Variants in MSRB2 observed in about 807,000 individuals in gnomAD.
The protein encoded by MSRB2 is methionine sulfoxide reductase B2, also known as methionine-R-sulfoxide reductase B2, mitochondrial.
MSRB2 carries 17 observed loss-of-function variants against 19.0 expected under a neutral mutation model. The observed-to-expected ratio is 0.89, with a 90% CI of 0.61 to 1.34. The LOEUF is 1.34. MSRB2 is among the 40% of genes most tolerant of loss of function. The pLI, the probability that MSRB2 is intolerant of heterozygous loss-of-function variation, is 0.00. For synonymous variants in MSRB2, 107 were observed against 99.7 expected, an observed-to-expected ratio of 1.07 and a Z score of -0.44; for missense variants, 208 against 237.6, an observed-to-expected ratio of 0.88 and a Z score of 0.82.
At chr10:23,109,149 C>T (rs764139287) in intron 2 of MSRB2, among the ~76,000 whole-genome samples, 1 of 152,128 alleles carries the variant, frequency 6.6e-6, no homozygotes, top group Non-Finnish European at 1.5e-5. Flanking sequence ...TGCCGCCAGG[C>T]CCTGTGATAG....
chr10:23,114,826 C>G (rs1484444971), intron 3 of MSRB2, among the ~76,000 whole-genome samples: 1 of 152,222 alleles, frequency 6.6e-6, no homozygotes, highest in African/African-American at 2.4e-5. Flanking sequence ...TATGAACCCA[C>G]AGTTTTGGAC....
At chr10:23,104,616 C>T (rs994939420) in intron 2 of MSRB2, among the ~76,000 whole-genome samples, 10 of 152,178 alleles carry the variant, frequency 6.6e-5, no homozygotes, top group African/African-American at 2.4e-4. Context: ...GACCATATCA[C>T]TCCCCAGCTC....
chr10:23,099,975 A>G (rs186265150), intron 1 of MSRB2, among the ~76,000 whole-genome samples: 6 of 152,280 alleles, frequency 3.9e-5, no homozygotes, highest in Admixed American at 1.3e-4. Flanking sequence ...CTGTTGAGTC[A>G]CACTAAGGAC....
intron 1 of MSRB2, 132 bp downstream of exon 1, chr10:23,095,858 T>TCCCC (rs55816790): frequency 2.4e-4 from 94 of 395,012 alleles, no homozygotes; most frequent in Middle Eastern, 1.5e-3. Flanking sequence ...GGCGCGCCCC[T>TCCCC]CCCCCCCCCC....
At position 23,121,092 on chromosome 10, in the gene MSRB2, GA is replaced by G. The variant is rs146526205; in HGVS notation, c.*239del. 7.6e-5 allele frequency: 28 copies of G among 370,096 alleles called. No individual in the cohort carries two copies. Among genetic ancestry groups the G allele is most frequent in the South Asian group, 1.2e-4 (1 of 8,444 alleles). 22.9% of individuals were successfully genotyped at this position (370,096 alleles called of 1,614,324 possible). A position where few individuals can be genotyped will look rare whatever the true frequency, so the allele number is the denominator to read the frequency against. ...ACCTGATCAGGATCTGGGAGAATTT[GA>G]AAAAAAAAGAAAAACTAGAAAAATA... On this transcript the variant is annotated 3_prime_UTR_variant, in exon 5 of 5. Transcript: ENST00000376510.
chr10:23,102,639 G>T (rs1188184404), intron 1 of MSRB2, among the ~76,000 whole-genome samples: 1 of 152,088 alleles, frequency 6.6e-6, no homozygotes. Flanking sequence ...TAGCCTACTT[G>T]GTTAAAGTAG....
chr10:23,119,783 T>G (rs1347872722), intron 4 of MSRB2, among the ~76,000 whole-genome samples: 1 of 151,940 alleles, frequency 6.6e-6, no homozygotes, highest in Non-Finnish European at 1.5e-5. Flanking sequence ...TTAGTAGAGA[T>G]GAGGTTTCGC....
At chr10:23,120,452 A>G (rs1002840629) in intron 4 of MSRB2, among the ~76,000 whole-genome samples, 2 of 152,362 alleles carry the variant, frequency 1.3e-5, no homozygotes, top group South Asian at 4.1e-4. Context: ...TACATGTAAT[A>G]TATCAATTAA....
chr10:23,118,356 T>TG (rs1189360706), intron 3 of MSRB2, among the ~76,000 whole-genome samples: 1 of 131,640 alleles, frequency 7.6e-6, no homozygotes, highest in Non-Finnish European at 1.7e-5. Flanking sequence ...TTTTTTTTTT[T>TG]GGCTGGGTCT....
At chr10:23,117,882 C>T (rs976458423) in intron 3 of MSRB2, among the ~76,000 whole-genome samples, 24 of 152,206 alleles carry the variant, frequency 1.6e-4, no homozygotes, top group East Asian at 1.5e-3. Context: ...TGGGCCACCA[C>T]GCCAGCAAAA....
In MSRB2 at chr10:23,095,591, G is replaced by A; in HGVS notation, c.-18G>A. ...ACGGGCAGAGGGCAGAGGGCGGAGC[G>A]GCGCCGGAGCGGGCGTCATGGCGCG... On this transcript the variant is annotated 5_prime_UTR_variant, in exon 1 of 5. Coordinates refer to ENST00000376510, the MANE Select transcript of MSRB2 (RefSeq NM_012228.4). 3 of 1,476,052 alleles carry A rather than the reference G, an allele frequency of 2.0e-6. No individual in the cohort carries two copies. Among genetic ancestry groups the A allele is most frequent in the East Asian group, 3.0e-5 (1 of 33,844 alleles). The allele number at this position is 1,476,052 out of a possible 1,614,324, so 91.4% of individuals were successfully genotyped here.
chr10:23,096,435 G>A (rs1839871045), intron 1 of MSRB2, among the ~76,000 whole-genome samples: 1 of 151,228 alleles, frequency 6.6e-6, no homozygotes, highest in African/African-American at 2.4e-5. Context: ...CACCAAGCAG[G>A]AAGGAGTCAC....
chr10:23,101,875 G>A (rs906928172), intron 1 of MSRB2, among the ~76,000 whole-genome samples: 3 of 152,164 alleles, frequency 2.0e-5, no homozygotes, highest in African/African-American at 7.2e-5. Flanking sequence ...TATAAAGACA[G>A]TACAGAGTTC....
At chr10:23,096,733 T>C (rs574510579) in intron 1 of MSRB2, among the ~76,000 whole-genome samples, 1 of 152,364 alleles carries the variant, frequency 6.6e-6, no homozygotes, top group African/African-American at 2.4e-5. Context: ...GACTTCCAGC[T>C]ATGGCCTTTC....
intron 2 of MSRB2, among the ~76,000 whole-genome samples, chr10:23,107,296 G>A (rs897243277): frequency 3.9e-5 from 6 of 152,136 alleles, no homozygotes; most frequent in South Asian, 2.1e-4. Context: ...GCTGTTTGTC[G>A]TGATCTAACC....
intron 1 of MSRB2, among the ~76,000 whole-genome samples, chr10:23,097,984 T>A (rs1038580941): frequency 5.3e-5 from 8 of 152,198 alleles, no homozygotes. Context: ...AGAGTGATTT[T>A]TTTTAATCCA....
rs1173457038 is a variant in MSRB2 at position 23,121,175 on chromosome 10, G to C, written c.*313G>C. On this transcript the variant is annotated 3_prime_UTR_variant, in exon 5 of 5. Coordinates refer to ENST00000376510, the MANE Select transcript of MSRB2 (RefSeq NM_012228.4). ...GACTGAGTAACTTATAAAGAAAAGA[G>C]GTTTAATTGACTCACAGTTCTGCAG... 1 of 276,690 alleles carries C rather than the reference G, an allele frequency of 3.6e-6. No homozygotes were observed. Among genetic ancestry groups the C allele is most frequent in the Non-Finnish European group, 6.8e-6 (1 of 147,256 alleles). 17.1% of individuals were successfully genotyped at this position (276,690 alleles called of 1,614,324 possible).
At chr10:23,115,010 T>C (rs1395887083) in intron 3 of MSRB2, among the ~76,000 whole-genome samples, 1 of 152,168 alleles carries the variant, frequency 6.6e-6, no homozygotes, top group African/African-American at 2.4e-5. Context: ...ATGAGTTCCC[T>C]TTCCAGAGCC....
rs199668231 is a variant in MSRB2 at position 23,104,244 on chromosome 10, G to A, written c.219G>A (p.Pro73=). ...TCACAAGAGAAAAGGGAACGGAACC[G>A]GTAAGCTAAGCTGGTTTACAGTTTT... ...FYVTREKGTE[P]PFSGIYLNNK... is the part of the protein sequence containing the mutation. Residue 73 remains proline (P), a splice_region_variant and synonymous_variant, in exon 2 of 5, where the codon CCG becomes CCA. Transcript: ENST00000376510. 1.3e-4 allele frequency: 217 copies of A among 1,611,890 alleles called. 1 individual carries two copies. Among genetic ancestry groups the A allele is most frequent in the South Asian group, 2.0e-4 (18 of 90,782 alleles).
Sources: allele counts gnomAD v4.1 joint callset (sites outside exome capture counted in the v4.1 genomes callset), GRCh38; gene constraint gnomAD v4.1.1; transcripts MANE v1.5; gene names NCBI Gene and HGNC (gene_info 2026-07-23, HGNC 2026-07-21).